The following KICS2 variants were observed in gnomAD, a reference collection of about 807,000 sequenced individuals.
KICS2 encodes KICSTOR complex protein C12orf66.
In KICS2, 13 loss-of-function variants were observed where a neutral mutation model predicts 31.4. That is an observed-to-expected ratio of 0.41 (90% CI 0.27 to 0.66). The LOEUF (loss-of-function observed/expected upper bound fraction) is 0.66. Ranked by LOEUF, KICS2 falls within the 30% of genes least tolerant of loss-of-function variation. KICS2 has a pLI of 0.28. For missense variants in KICS2, 455 were observed against 545.4 expected (o/e 0.83, Z 1.65); for synonymous variants, 209 against 214.8 (o/e 0.97, Z 0.24).
In KICS2 at chr12:64,193,613, T is replaced by C. The variant is rs768563680; in HGVS notation, c.*229A>G. On this transcript the variant is annotated 3_prime_UTR_variant, in exon 3 of 3. Transcript: ENST00000398055. ...GGAAAATACTGAAACTACTTTGCTG[T>C]ACCATGGAGACACATGGTAGCCCAT... The C allele has an allele frequency of 2.2e-6, 3 of 1,355,780 alleles. No homozygotes were observed. Among genetic ancestry groups the C allele is most frequent in the Non-Finnish European group, 2.8e-6 (3 of 1,058,362 alleles). 84.0% of individuals were successfully genotyped at this position (1,355,780 alleles called of 1,614,324 possible).
chr12:64,210,605 G>C (rs1161665312), intron 2 of KICS2, among the ~76,000 whole-genome samples: 1 of 152,066 alleles, frequency 6.6e-6, no homozygotes, highest in Non-Finnish European at 1.5e-5. Flanking sequence ...GTGAGACCCT[G>C]TCTCTGCAAA....
chr12:64,210,740 G>A (rs539437946), intron 2 of KICS2, among the ~76,000 whole-genome samples: 1 of 152,314 alleles, frequency 6.6e-6, no homozygotes, highest in South Asian at 2.1e-4. Flanking sequence ...GAGCGCCACT[G>A]AACTCTAGCC....
chr12:64,215,656 C>T, intron 2 of KICS2, 22 bp downstream of exon 2: 1 of 1,591,460 alleles, frequency 6.3e-7, no homozygotes, highest in South Asian at 1.1e-5. Context: ...ACGCTTTCTC[C>T]CTCCCTCCTC....
chr12:64,205,701 AAGGG>A (rs749055025), intron 2 of KICS2, among the ~76,000 whole-genome samples: 19 of 117,162 alleles, frequency 1.6e-4, no homozygotes, highest in Admixed American at 7.8e-4. Context: ...AGGAAGGAAA[AAGGG>A]AAGGAAGGAA....
intron 2 of KICS2, among the ~76,000 whole-genome samples, chr12:64,214,590 C>T (rs1268077826): frequency 6.6e-6 from 1 of 152,156 alleles, no homozygotes; most frequent in Non-Finnish European, 1.5e-5. Context: ...CCGTTAAAAG[C>T]TCAACTCGGC....
At chr12:64,201,778 G>C (rs1383346635) in intron 2 of KICS2, among the ~76,000 whole-genome samples, 1 of 151,892 alleles carries the variant, frequency 6.6e-6, no homozygotes, top group East Asian at 1.9e-4. Flanking sequence ...GGGGTGGGGG[G>C]GCAAGGTTGC....
intron 2 of KICS2, among the ~76,000 whole-genome samples, chr12:64,208,598 C>CT (rs1269011746): frequency 6.6e-6 from 1 of 152,088 alleles, no homozygotes; most frequent in Non-Finnish European, 1.5e-5. Flanking sequence ...CATCAAAAAT[C>CT]TTTTTTTGAC....
In KICS2 at chr12:64,215,707, CA is replaced by C; in HGVS notation, c.491del (p.Leu164TrpfsTer5). 1 of 1,613,616 alleles carries C rather than the reference CA, an allele frequency of 6.2e-7. No homozygotes were observed. Among genetic ancestry groups the C allele is most frequent in the Non-Finnish European group, 8.5e-7 (1 of 1,179,934 alleles). Reference sequence around the variant, plus strand: ...AGCTGTATTTTTTCATGATGGCATCCAAAAGGCCAACGAGCTCTTCAGCATT... The same window carrying C: ...AGCTGTATTTTTTCATGATGGCATCCAAAGGCCAACGAGCTCTTCAGCATT... ...FINAEELVGL[L>X]DAIMKKYSSR... On this transcript the variant is annotated frameshift_variant, in exon 2 of 3. Coordinates refer to ENST00000398055, the MANE Select transcript of KICS2 (RefSeq NM_152440.5). LOFTEE classifies it high-confidence loss of function.
intron 1 of KICS2, among the ~76,000 whole-genome samples, chr12:64,216,336 AG>A (rs1191430790): frequency 6.6e-6 from 1 of 152,178 alleles, no homozygotes; most frequent in Non-Finnish European, 1.5e-5. Flanking sequence ...TAATTAACCT[AG>A]CAAATAACAC....
At chr12:64,220,155 G>GT (rs1180438622) in intron 1 of KICS2, among the ~76,000 whole-genome samples, 1 of 152,154 alleles carries the variant, frequency 6.6e-6, no homozygotes, top group Non-Finnish European at 1.5e-5. Flanking sequence ...ACCTAGGAAC[G>GT]TAACAGTGCC....
chr12:64,205,967 T>C (rs2037535840), intron 2 of KICS2, among the ~76,000 whole-genome samples: 3 of 152,288 alleles, frequency 2.0e-5, no homozygotes, highest in Admixed American at 1.3e-4. Context: ...ATTTATCTAT[T>C]TATAGGCAGG....
intron 1 of KICS2, among the ~76,000 whole-genome samples, chr12:64,221,106 G>A (rs1396502256): frequency 2.8e-5 from 3 of 108,270 alleles, no homozygotes; most frequent in African/African-American, 1.0e-4. Flanking sequence ...GCTGGTTAGG[G>A]AACGGGGGGG....
At chr12:64,208,962 C>A (rs1254928779) in intron 2 of KICS2, among the ~76,000 whole-genome samples, 1 of 151,716 alleles carries the variant, frequency 6.6e-6, no homozygotes, top group Non-Finnish European at 1.5e-5. Flanking sequence ...AACCATGAAA[C>A]AGAAAAATCA....
rs2037412743 is a variant in KICS2 at position 64,194,454 on chromosome 12, T to C, written c.726A>G (p.Gly242=). The change falls in exon 3 of 3, where the codon GGA becomes GGG. Residue 242 remains glycine (G), a synonymous_variant. Coordinates refer to ENST00000398055, the MANE Select transcript of KICS2 (RefSeq NM_152440.5). The part of the protein sequence containing the change: ...KQRETKKHLF[G]GQSQKAVQPP... ...GCTGCACGGCCTTCTGAGACTGCCC[T>C]CCAAACAGATGTTTCTTGGTCTCCC... is the stretch of plus-strand genomic sequence containing the variant. The C allele has an allele frequency of 6.2e-7, 1 of 1,614,200 alleles. No individual in the cohort carries two copies.
chr12:64,218,425 A>G (rs2037649618), intron 1 of KICS2, among the ~76,000 whole-genome samples: 1 of 152,248 alleles, frequency 6.6e-6, no homozygotes, highest in Non-Finnish European at 1.5e-5. Context: ...AACTGGTGAT[A>G]GAGCTAAAAA....
At chr12:64,221,912 C>T in intron 1 of KICS2, 91 bp downstream of exon 1, 5 of 1,360,752 alleles carry the variant, frequency 3.7e-6, no homozygotes, top group Non-Finnish European at 4.0e-6. Context: ...CTAGAAGTGA[C>T]ACAGAGACGG....
intron 2 of KICS2, 43 bp from the exon 3 acceptor site, chr12:64,194,701 C>T (rs2037416430): frequency 6.5e-7 from 1 of 1,533,490 alleles, no homozygotes; most frequent in South Asian, 1.3e-5. Flanking sequence ...AATGTTACTT[C>T]ACTTGCCACA....
chr12:64,220,025 C>T (rs896798933), intron 1 of KICS2, among the ~76,000 whole-genome samples: 15 of 151,922 alleles, frequency 9.9e-5, no homozygotes, highest in Non-Finnish European at 1.9e-4. Context: ...ACTCCAGTAC[C>T]CAAAAAAATG....
Position 64,192,892 on chromosome 12 carries a change from G to A in KICS2, c.*950C>T. The stretch of plus-strand genomic sequence containing the variant: ...GAAGAGGTCTTTCAAGCGCACAGTT[G>A]ATTTTTAGCAAGTACAGCGTATGAA... On this transcript the variant is annotated 3_prime_UTR_variant, in exon 3 of 3. Coordinates refer to ENST00000398055, the MANE Select transcript of KICS2 (RefSeq NM_152440.5). The A allele has an allele frequency of 1.0e-6, 1 of 985,420 alleles. No homozygotes were observed. The highest frequency in any genetic ancestry group is 1.2e-6 in the Non-Finnish European group (1 of 829,938). The allele number at this position is 985,420 out of a possible 1,614,324, so 61.0% of individuals were successfully genotyped here.
Sources: allele counts gnomAD v4.1 joint callset (sites outside exome capture counted in the v4.1 genomes callset), GRCh38; gene constraint gnomAD v4.1.1; transcripts MANE v1.5; gene names NCBI Gene and HGNC (gene_info 2026-07-23, HGNC 2026-07-21).